SLIT2: variants seen among roughly 807,000 people sequenced by gnomAD.
SLIT2 encodes slit homolog 2 protein.
SLIT2 carries 41 observed loss-of-function variants against 185.7 expected under a neutral mutation model. That is an observed-to-expected ratio of 0.22 (90% CI 0.17 to 0.29). The LOEUF (loss-of-function observed/expected upper bound fraction) is 0.29. Among genes scored for constraint, SLIT2 ranks in the 10% least tolerant of loss-of-function variants. The probability of loss-of-function intolerance (pLI) is 1.00; values close to 1 mark genes in which losing one functional copy is unlikely to be tolerated. For missense variants in SLIT2, 1,571 were observed against 1,909.0 expected, an observed-to-expected ratio of 0.82 and a Z score of 3.30; for synonymous variants, 693 against 680.2, an observed-to-expected ratio of 1.02 and a Z score of -0.29.
At chr4:20,570,917 T>C (rs1324801598) in intron 29 of SLIT2, among the ~76,000 whole-genome samples, 1 of 151,706 alleles carries the variant, frequency 6.6e-6, no homozygotes, top group African/African-American at 2.4e-5. Flanking sequence ...CTTATTCTTA[T>C]CCATTTCTTT....
chr4:20,376,115 CTTTT>C (rs71653881), intron 4 of SLIT2, among the ~76,000 whole-genome samples: 4 of 79,652 alleles, frequency 5.0e-5, no homozygotes, highest in Non-Finnish European at 6.9e-5. Context: ...CATTGTTTAA[CTTTT>C]TTTTTTTTTT....
chr4:20,300,149 A>T (rs1273264144), intron 4 of SLIT2, among the ~76,000 whole-genome samples: 1 of 152,154 alleles, frequency 6.6e-6, no homozygotes, highest in African/African-American at 2.4e-5. Context: ...TAAAATAATT[A>T]AAATCACATG....
intron 4 of SLIT2, among the ~76,000 whole-genome samples, chr4:20,454,499 G>A (rs1404545607): frequency 2.0e-5 from 3 of 152,086 alleles, no homozygotes; most frequent in Non-Finnish European, 4.4e-5. Context: ...CTTTTCTAAA[G>A]TTAAAATCTG....
At chr4:20,443,407 G>A (rs906324509) in intron 4 of SLIT2, among the ~76,000 whole-genome samples, 6 of 151,974 alleles carry the variant, frequency 3.9e-5, no homozygotes, top group Admixed American at 6.6e-5. Flanking sequence ...TGGTGCTTTA[G>A]GGGACAAGGC....
chr4:20,328,685 C>T (rs889219598), intron 4 of SLIT2, among the ~76,000 whole-genome samples: 5 of 152,010 alleles, frequency 3.3e-5, no homozygotes, highest in Non-Finnish European at 5.9e-5. Flanking sequence ...ATGTCCTAAG[C>T]ACTCCACTGT....
At chr4:20,291,173 G>GAATT (rs1217574291) in intron 4 of SLIT2, among the ~76,000 whole-genome samples, 1 of 152,038 alleles carries the variant, frequency 6.6e-6, no homozygotes, top group Non-Finnish European at 1.5e-5. Context: ...CCAAATGAAT[G>GAATT]AATTAATAAA....
At chr4:20,321,290 A>C (rs4696953) in intron 4 of SLIT2, among the ~76,000 whole-genome samples, 81,066 of 152,018 alleles carry the variant, frequency 0.53, 23,556 homozygotes, top group East Asian at 0.74. Context: ...CAATTGCCAA[A>C]ATTCTGCAGA....
intron 29 of SLIT2, among the ~76,000 whole-genome samples, chr4:20,581,551 A>G (rs1380076500): frequency 3.3e-5 from 5 of 151,664 alleles, no homozygotes; most frequent in Admixed American, 2.6e-4. Context: ...ATTCTAGACA[A>G]CTCCCTTTCT....
At chr4:20,490,958 A>AGGG in intron 8 of SLIT2, 1 of 635,640 alleles carries the variant, frequency 1.6e-6, no homozygotes, top group South Asian at 1.8e-5. Flanking sequence ...TGGAAAGGGC[A>AGGG]GTCCCCACTG....
intron 29 of SLIT2, among the ~76,000 whole-genome samples, chr4:20,574,247 C>A (rs1725878224): frequency 6.6e-6 from 1 of 152,034 alleles, no homozygotes; most frequent in African/African-American, 2.4e-5. Context: ...AGCCACCACA[C>A]CTGGCCTGAG....
At chr4:20,272,609 G>C (rs61790831) in intron 4 of SLIT2, among the ~76,000 whole-genome samples, 1 of 151,988 alleles carries the variant, frequency 6.6e-6, no homozygotes, top group Non-Finnish European at 1.5e-5. Flanking sequence ...GTAGTACTGC[G>C]GTTAGGCATT....
At chr4:20,295,885 G>A (rs189277684) in intron 4 of SLIT2, among the ~76,000 whole-genome samples, 24 of 152,296 alleles carry the variant, frequency 1.6e-4, no homozygotes, top group Non-Finnish European at 3.4e-4. Flanking sequence ...ATTAAATAAA[G>A]TGTTACTAGC....
rs759999002 is a variant in SLIT2 at position 20,553,912 on chromosome 4, G to A, written c.2669G>A (p.Gly890Glu). ...GGAATTGCTCGTTGTGCTGGTCCTG[G>A]AGAAATGGCAGATAAACTTTTACTC... ...EPGIARCAGP[G>E]EMADKLLLTT... The change falls in exon 26 of 37, where the codon GGA (glycine) becomes GAA (glutamate). Residue 890 changes from glycine (G) to glutamate (E), a missense_variant. Gly to Glu is a moderately conservative substitution (Grantham distance 98). Coordinates refer to ENST00000504154, the MANE Select transcript of SLIT2 (RefSeq NM_004787.4). 19 of 1,611,640 alleles carry A rather than the reference G, an allele frequency of 1.2e-5. No individual in the cohort carries two copies. Among genetic ancestry groups the A allele is most frequent in the Non-Finnish European group, 1.4e-5 (17 of 1,179,386 alleles).
intron 21 of SLIT2, 63 bp from the exon 22 acceptor site, chr4:20,545,968 T>C (rs1379722350): frequency 6.4e-6 from 6 of 940,012 alleles, no homozygotes; most frequent in Non-Finnish European, 1.6e-6. Context: ...AAGTACTGTT[T>C]ACTTATTTTA....
chr4:20,499,699 A>G (rs1405760347), intron 9 of SLIT2, among the ~76,000 whole-genome samples: 3 of 152,076 alleles, frequency 2.0e-5, no homozygotes, highest in African/African-American at 4.8e-5. Context: ...TGTGTTAGCC[A>G]GGATGGTCTG....
intron 5 of SLIT2, among the ~76,000 whole-genome samples, chr4:20,473,882 A>G (rs1715828123): frequency 6.6e-6 from 1 of 152,194 alleles, no homozygotes; most frequent in Admixed American, 6.6e-5. Context: ...CATATAAGTT[A>G]GGTCATAATT....
At chr4:20,483,947 A>G (rs150337062) in intron 6 of SLIT2, among the ~76,000 whole-genome samples, 122 of 152,158 alleles carry the variant, frequency 8.0e-4, no homozygotes, top group African/African-American at 2.9e-3. Context: ...GGTTCTGCAT[A>G]TTTTTCAGTC....
chr4:20,553,457 A>G (rs535647671), intron 25 of SLIT2, among the ~76,000 whole-genome samples: 1 of 152,336 alleles, frequency 6.6e-6, no homozygotes, highest in African/African-American at 2.4e-5. Context: ...GACTTAAGTC[A>G]TCAGTAAATA....
intron 8 of SLIT2, 50 bp from the exon 9 acceptor site, chr4:20,491,711 A>G (rs1369360297): frequency 2.6e-6 from 4 of 1,541,588 alleles, no homozygotes; most frequent in East Asian, 2.3e-5. Context: ...CTGTTTCACA[A>G]TTATGATATT....
Sources: allele counts gnomAD v4.1 joint callset (sites outside exome capture counted in the v4.1 genomes callset), GRCh38; gene constraint gnomAD v4.1.1; transcripts MANE v1.5; gene names NCBI Gene and HGNC (gene_info 2026-07-23, HGNC 2026-07-21).